Variants in ARHGAP30 observed in about 807,000 individuals in gnomAD.
ARHGAP30 encodes rho GTPase-activating protein 30.
A neutral mutation model predicts 72.0 loss-of-function variants in ARHGAP30; 23 were observed. The ratio of observed to expected loss-of-function variants is 0.32; its 90% CI spans 0.23 to 0.45. The LOEUF (loss-of-function observed/expected upper bound fraction) is 0.45. Ranked by LOEUF, ARHGAP30 falls within the 20% of genes least tolerant of loss-of-function variation. The pLI is 1.00. For missense variants in ARHGAP30, 1,319 were observed against 1,383.4 expected, an observed-to-expected ratio of 0.95 and a Z score of 0.74; for synonymous variants, 576 against 528.2, an observed-to-expected ratio of 1.09 and a Z score of -1.24.
intron 1 of ARHGAP30, among the ~76,000 whole-genome samples, chr1:161,064,787 GAA>G (rs1423855759): frequency 1.1e-3 from 69 of 62,826 alleles, no homozygotes; most frequent in African/African-American, 6.2e-3. Context: ...GAAAAAGAAA[GAA>G]AGAAAGAAAG....
intron 2 of ARHGAP30, among the ~76,000 whole-genome samples, chr1:161,057,750 C>T (rs886381347): frequency 6.6e-6 from 1 of 152,242 alleles, no homozygotes; most frequent in Admixed American, 6.5e-5. Context: ...CGCAGTGGCT[C>T]ATGCCTGTAA....
rs1217948625 is a variant in ARHGAP30, at chr1:161,048,174, C to T, written c.2847G>A (p.Met949Ile). ...VVPPKPQFAK[M>I]PSAMCSKIHV... ...GAATCTTGCTACACATTGCACTGGG[C>T]ATCTTGGCAAACTGTGGCTTGGGGG... The change falls in exon 12 of 12, where the codon ATG becomes ATA. Residue 949 changes from methionine to isoleucine, a missense_variant. Transcript: ENST00000368013. 5 of 1,614,210 alleles carry T rather than the reference C, an allele frequency of 3.1e-6. No homozygotes were observed. The highest frequency in any genetic ancestry group is 3.3e-5 in the Admixed American group (2 of 60,026).
intron 3 of ARHGAP30, 89 bp from the exon 4 acceptor site, chr1:161,054,794 C>A: frequency 8.8e-7 from 1 of 1,135,462 alleles, no homozygotes. Context: ...TTCTCAGGAA[C>A]AATGTGCACT....
In ARHGAP30 at chr1:161,052,249, C is replaced by CACACACATACACACAGAAAT. The variant is rs767659333; in HGVS notation, c.1018+17_1018+36dup. On this transcript the variant is annotated intron_variant, in intron 9 of 11. Coordinates refer to ENST00000368013, the MANE Select transcript of ARHGAP30 (RefSeq NM_001025598.2). ...ACAAGCCCACGCTGGTCACATAGCA[C>CACACACATACACACAGAAAT]ACACACATACACACAGAAATGCACC... The CACACACATACACACAGAAAT allele has an allele frequency of 4.8e-5, 78 of 1,609,418 alleles. No homozygotes were observed. In the African/African-American group the frequency reaches 9.4e-4, roughly 19 times the overall value.
Position 161,049,092 on chromosome 1 carries a change from C to A in ARHGAP30, c.1929G>T (p.Gln643His), listed in dbSNP as rs1371800334. ...GCTCTTCCCCACCCTGTCCCAGAGC[C>A]TGCCTTCCACATCCTGCTGCCTCTC... ...LEGEAAGCGRQALGQGGEEQA... is the reference protein window; with the variant it reads ...LEGEAAGCGRHALGQGGEEQA... Residue 643 changes from glutamine to histidine, a missense_variant, in exon 12 of 12, where the codon CAG becomes CAT. By Grantham distance (24) the Gln-to-His change is conservative. Coordinates refer to ENST00000368013, the MANE Select transcript of ARHGAP30 (RefSeq NM_001025598.2). 6.2e-7 allele frequency: 1 copy of A among 1,614,094 alleles called. No individual in the cohort carries two copies. The highest frequency in any genetic ancestry group is 1.7e-5 in the Admixed American group (1 of 60,004).
chr1:161,064,799 G>GAAAT (rs1311599041), intron 1 of ARHGAP30, among the ~76,000 whole-genome samples: 1 of 60,294 alleles, frequency 1.7e-5, no homozygotes, highest in South Asian at 4.6e-4. Context: ...AAGAAAGAAA[G>GAAAT]AAAGAAAGAA....
chr1:161,061,562 T>A (rs1286150903), intron 1 of ARHGAP30, among the ~76,000 whole-genome samples: 1 of 152,108 alleles, frequency 6.6e-6, no homozygotes, highest in African/African-American at 2.4e-5. Context: ...AAAAATTAGA[T>A]ATTCTAGTAC....
intron 1 of ARHGAP30, among the ~76,000 whole-genome samples, chr1:161,065,870 T>C (rs529004905): frequency 1.8e-3 from 162 of 90,630 alleles, no homozygotes; most frequent in Non-Finnish European, 2.3e-3. Flanking sequence ...CCCGGCCCCT[T>C]ATTTATTTAT....
chr1:161,048,247 G>A lies in ARHGAP30; in HGVS notation c.2774C>T (p.Ala925Val). ...LGLGGVGMRL[A>V]STLVQVQQVR... ...CTGTTGGACCTGAACCAGAGTGGAAGCTAGACGCATGCCCACGCCACCCAG... is the reference window on the plus strand; with the variant it reads ...CTGTTGGACCTGAACCAGAGTGGAAACTAGACGCATGCCCACGCCACCCAG... The change falls in exon 12 of 12, where the codon GCT (alanine) becomes GTT (valine). Residue 925 changes from alanine to valine, a missense_variant. Transcript: ENST00000368013. 6.2e-7 allele frequency: 1 copy of A among 1,614,194 alleles called. No homozygotes were observed. Among genetic ancestry groups the A allele is most frequent in the Non-Finnish European group, 8.5e-7 (1 of 1,180,026 alleles).
At chr1:161,050,936 C>G (rs183476336) in intron 10 of ARHGAP30, among the ~76,000 whole-genome samples, 39 of 152,356 alleles carry the variant, frequency 2.6e-4, no homozygotes, top group Admixed American at 2.5e-3. Flanking sequence ...GCCACGGCGC[C>G]TGGCTGGTAC....
At chr1:161,066,302 A>G (rs1652758202) in intron 1 of ARHGAP30, among the ~76,000 whole-genome samples, 1 of 150,240 alleles carries the variant, frequency 6.7e-6, no homozygotes, top group African/African-American at 2.5e-5. Flanking sequence ...TCTCAGGGCC[A>G]TGGAGATGCC....
chr1:161,067,570 AAAAGAAAG>A (rs60677751), intron 1 of ARHGAP30, among the ~76,000 whole-genome samples: 4 of 148,958 alleles, frequency 2.7e-5, no homozygotes, highest in Non-Finnish European at 4.5e-5. Flanking sequence ...TCCATCTCAA[AAAAGAAAG>A]AAAGAAAGAA....
At chr1:161,053,132 C>A (rs1179267567) in intron 6 of ARHGAP30, 126 bp downstream of exon 6, 2 of 1,378,050 alleles carry the variant, frequency 1.5e-6, no homozygotes, top group Non-Finnish European at 1.0e-6. Context: ...CCCCAGGGTT[C>A]TCTCCATGTG....
chr1:161,048,706 C>G lies in ARHGAP30; in HGVS notation c.2315G>C (p.Gly772Ala), dbSNP rs373107765. ...QVEAGRDLEQ[G>A]AQEDQVAEEK... ...CTCAGCAACTTGATCTTCCTGGGCCCCTTGCTCTAGGTCCCTTCCAGCTTC... is the reference window on the plus strand; with the variant it reads ...CTCAGCAACTTGATCTTCCTGGGCCGCTTGCTCTAGGTCCCTTCCAGCTTC... Residue 772 changes from glycine (G) to alanine (A), a missense_variant, in exon 12 of 12, where the codon GGG becomes GCG. By Grantham distance (60) the Gly-to-Ala change is moderately conservative. Coordinates refer to ENST00000368013, the MANE Select transcript of ARHGAP30 (RefSeq NM_001025598.2). 1.2e-5 allele frequency: 20 copies of G among 1,613,980 alleles called. No homozygotes were observed. The highest frequency in any genetic ancestry group is 1.4e-5 in the Non-Finnish European group (16 of 1,180,040).
At chr1:161,056,170 T>C (rs989433301) in intron 3 of ARHGAP30, among the ~76,000 whole-genome samples, 1 of 151,980 alleles carries the variant, frequency 6.6e-6, no homozygotes, top group Non-Finnish European at 1.5e-5. Context: ...AAGAAGGACA[T>C]AGCAGAGAGA....
At chr1:161,065,418 A>AT (rs1652685016) in intron 1 of ARHGAP30, among the ~76,000 whole-genome samples, 2 of 152,020 alleles carry the variant, frequency 1.3e-5, no homozygotes, top group Non-Finnish European at 2.9e-5. Context: ...ATTTATTCTA[A>AT]TTTTTTGTAA....
At chr1:161,063,623 A>C (rs1652479598) in intron 1 of ARHGAP30, among the ~76,000 whole-genome samples, 1 of 152,254 alleles carries the variant, frequency 6.6e-6, no homozygotes, top group Admixed American at 6.5e-5. Context: ...ACAGGATAAC[A>C]TCAATTGTTC....
chr1:161,064,854 GGA>G (rs1652643794), intron 1 of ARHGAP30, among the ~76,000 whole-genome samples: 1 of 91,504 alleles, frequency 1.1e-5, no homozygotes, highest in African/African-American at 3.2e-5. Flanking sequence ...AGAAAGGAAA[GGA>G]AGGAGAGGAA....
At chr1:161,055,280 T>C (rs532578262) in intron 3 of ARHGAP30, among the ~76,000 whole-genome samples, 1 of 152,202 alleles carries the variant, frequency 6.6e-6, no homozygotes, top group Non-Finnish European at 1.5e-5. Context: ...TTTCTTAAGC[T>C]TAGGAGCTTG....
Sources: allele counts gnomAD v4.1 joint callset (sites outside exome capture counted in the v4.1 genomes callset), GRCh38; gene constraint gnomAD v4.1.1; transcripts MANE v1.5; gene names NCBI Gene and HGNC (gene_info 2026-07-23, HGNC 2026-07-21).